The following ATP8A2 variants were observed in gnomAD, a reference collection of about 807,000 sequenced individuals.
ATP8A2 encodes the protein phospholipid-transporting ATPase IB.
ATP8A2 carries 100 observed loss-of-function variants against 165.6 expected under a neutral mutation model. The observed-to-expected ratio is 0.60, with a 90% CI of 0.51 to 0.71. The LOEUF (loss-of-function observed/expected upper bound fraction) is 0.71, where lower values mean the gene tolerates loss of function less well. Among genes scored for constraint, ATP8A2 ranks in the 30% least tolerant of loss-of-function variants. ATP8A2 has a pLI of 0.00. For synonymous variants in ATP8A2, 543 were observed against 548.8 expected (o/e 0.99, Z 0.15); for missense variants, 1,227 against 1,479.5 (o/e 0.83, Z 2.80).
At chr13:25,875,086 C>A (rs563657634) in intron 33 of ATP8A2, among the ~76,000 whole-genome samples, 1 of 151,668 alleles carries the variant, frequency 6.6e-6, no homozygotes, top group Admixed American at 6.6e-5. Flanking sequence ...TGGCAGTTGC[C>A]GGGGCTGGGG....
At chr13:25,917,333 A>C (rs911807701) in intron 33 of ATP8A2, among the ~76,000 whole-genome samples, 2 of 152,222 alleles carry the variant, frequency 1.3e-5, no homozygotes, top group Non-Finnish European at 2.9e-5. Context: ...CCATTTAAAG[A>C]CTTTCTAAAT....
At chr13:25,450,069 C>T (rs543551472) in intron 1 of ATP8A2, among the ~76,000 whole-genome samples, 27 of 152,274 alleles carry the variant, frequency 1.8e-4, no homozygotes, top group African/African-American at 6.5e-4. Flanking sequence ...TAAGTGAGAA[C>T]ATGCGGTATT....
chr13:25,881,613 A>AAG (rs375760845), intron 33 of ATP8A2, among the ~76,000 whole-genome samples: 3 of 151,406 alleles, frequency 2.0e-5, no homozygotes, highest in East Asian at 1.9e-4. Flanking sequence ...GAGAGAGAGA[A>AAG]AGAGAGAGAG....
intron 33 of ATP8A2, among the ~76,000 whole-genome samples, chr13:25,895,776 C>T (rs546984448): frequency 1.4e-4 from 21 of 152,192 alleles, no homozygotes; most frequent in African/African-American, 3.9e-4. Context: ...GGGTATGTAT[C>T]GAGGAATTTA....
At chr13:25,442,458 C>T (rs1019593070) in intron 1 of ATP8A2, among the ~76,000 whole-genome samples, 2 of 152,154 alleles carry the variant, frequency 1.3e-5, no homozygotes, top group African/African-American at 2.4e-5. Flanking sequence ...CTGTCACCCA[C>T]GTTGAAGTGC....
At chr13:25,716,350 T>G (rs934090798) in intron 25 of ATP8A2, among the ~76,000 whole-genome samples, 3 of 152,210 alleles carry the variant, frequency 2.0e-5, no homozygotes, top group Non-Finnish European at 4.4e-5. Context: ...TTATCTACTT[T>G]TTTTTGTTGT....
chr13:25,766,167 A>G (rs977726781), intron 25 of ATP8A2, among the ~76,000 whole-genome samples: 1 of 152,220 alleles, frequency 6.6e-6, no homozygotes, highest in African/African-American at 2.4e-5. Flanking sequence ...ACCTCAGTGA[A>G]TGAATGATTT....
At chr13:25,435,574 G>C (rs542691344) in intron 1 of ATP8A2, among the ~76,000 whole-genome samples, 1 of 152,220 alleles carries the variant, frequency 6.6e-6, no homozygotes, top group African/African-American at 2.4e-5. Context: ...TACTTCTCAG[G>C]TGTAAATGTC....
At chr13:25,924,527 C>G (rs907857318) in intron 33 of ATP8A2, among the ~76,000 whole-genome samples, 5 of 152,134 alleles carry the variant, frequency 3.3e-5, no homozygotes, top group African/African-American at 1.2e-4. Flanking sequence ...ATGAGTCATA[C>G]TGGATTAGGG....
chr13:25,690,819 G>A (rs1218023247), intron 24 of ATP8A2, among the ~76,000 whole-genome samples: 1 of 152,048 alleles, frequency 6.6e-6, no homozygotes, highest in Admixed American at 6.5e-5. Flanking sequence ...TGTATGTGTG[G>A]TATGACTGGG....
At chr13:25,980,377 C>T (rs1706433068) in intron 35 of ATP8A2, among the ~76,000 whole-genome samples, 1 of 152,124 alleles carries the variant, frequency 6.6e-6, no homozygotes, top group African/African-American at 2.4e-5. Flanking sequence ...TAAACTGAGA[C>T]CTAAACAGGC....
chr13:25,640,108 G>A (rs929941905), intron 24 of ATP8A2, among the ~76,000 whole-genome samples: 3 of 152,192 alleles, frequency 2.0e-5, no homozygotes, highest in Non-Finnish European at 4.4e-5. Context: ...AAAGCAGTGT[G>A]TAGAGGGAAA....
At chr13:25,382,978 A>C (rs1280658155) in intron 1 of ATP8A2, among the ~76,000 whole-genome samples, 6 of 150,344 alleles carry the variant, frequency 4.0e-5, no homozygotes, top group African/African-American at 1.2e-4. Context: ...GATGGTCTCC[A>C]TCTCCTGACT....
chr13:25,603,459 A>T (rs780699677), intron 24 of ATP8A2, among the ~76,000 whole-genome samples: 2 of 142,636 alleles, frequency 1.4e-5, no homozygotes, highest in East Asian at 4.0e-4. Flanking sequence ...TGACAGAATG[A>T]GACTCTGTCT....
At chr13:25,598,326 C>T (rs764484630) in intron 24 of ATP8A2, among the ~76,000 whole-genome samples, 1 of 152,018 alleles carries the variant, frequency 6.6e-6, no homozygotes, top group Non-Finnish European at 1.5e-5. Context: ...CTGTTTTGGT[C>T]GTTTCAGGAC....
intron 15 of ATP8A2, among the ~76,000 whole-genome samples, chr13:25,560,492 G>A (rs899311370): frequency 1.3e-5 from 2 of 151,952 alleles, no homozygotes; most frequent in African/African-American, 4.8e-5. Context: ...TGGACGTCAG[G>A]AGTTCGAGAC....
At chr13:25,847,738 C>T (rs572063967) in intron 30 of ATP8A2, among the ~76,000 whole-genome samples, 1 of 152,258 alleles carries the variant, frequency 6.6e-6, no homozygotes, top group Non-Finnish European at 1.5e-5. Flanking sequence ...GATGCACTGG[C>T]ATTAGGGGCC....
At chr13:25,993,151 G>A (rs1264975572) in intron 35 of ATP8A2, among the ~76,000 whole-genome samples, 5 of 151,758 alleles carry the variant, frequency 3.3e-5, no homozygotes, top group Non-Finnish European at 5.9e-5. Context: ...ATAAACATAC[G>A]TGTGCATGTG....
intron 24 of ATP8A2, among the ~76,000 whole-genome samples, chr13:25,679,343 G>C (rs1402913050): frequency 6.6e-6 from 1 of 152,190 alleles, no homozygotes; most frequent in Non-Finnish European, 1.5e-5. Context: ...GAGTTTGGAA[G>C]CCAGCCACCA....
Sources: allele counts gnomAD v4.1 joint callset (sites outside exome capture counted in the v4.1 genomes callset), GRCh38; gene constraint gnomAD v4.1.1; transcripts MANE v1.5; gene names NCBI Gene and HGNC (gene_info 2026-07-23, HGNC 2026-07-21).